TMEM178B: variants seen among roughly 807,000 people sequenced by gnomAD.
The protein encoded by TMEM178B is transmembrane protein 178B.
In TMEM178B, 5 loss-of-function variants were observed where a neutral mutation model predicts 31.0. That is an observed-to-expected ratio of 0.16 (90% CI 0.08 to 0.34). The LOEUF is 0.34. Ranked by LOEUF, TMEM178B falls within the 10% of genes least tolerant of loss-of-function variation. The pLI is 1.00. For missense variants in TMEM178B, 275 were observed against 400.3 expected, an observed-to-expected ratio of 0.69 and a Z score of 2.67; for synonymous variants, 164 against 164.0, an observed-to-expected ratio of 1.00 and a Z score of 0.00.
intron 1 of TMEM178B, among the ~76,000 whole-genome samples, chr7:141,207,758 T>A (rs553623119): frequency 6.6e-6 from 1 of 152,160 alleles, no homozygotes; most frequent in South Asian, 2.1e-4. Flanking sequence ...TGACTGAGGG[T>A]TTAAAGTGTC....
chr7:141,185,515 C>T (rs1207840962), intron 1 of TMEM178B, among the ~76,000 whole-genome samples: 4 of 152,192 alleles, frequency 2.6e-5, no homozygotes, highest in Admixed American at 2.6e-4. Flanking sequence ...TGTTGGTGTG[C>T]TCCCAACATG....
At position 141,429,449 on chromosome 7, in the gene TMEM178B, G is replaced by A. The variant is rs990643986; in HGVS notation, c.497-8159G>A. Among the ~76,000 whole-genome samples, 30 of 152,232 alleles carry A rather than the reference G, an allele frequency of 2.0e-4. 1 individual carries two copies. The highest frequency in any genetic ancestry group is 3.4e-3 in the Middle Eastern group (1 of 294). On this transcript the variant is annotated intron_variant, in intron 2 of 3. Coordinates refer to ENST00000565468, the MANE Select transcript of TMEM178B (RefSeq NM_001195278.2). ...TGCTAAGTCAGGCACAGAAACACAAGTACTGCATGATCTCACTCATATGTG... is the reference window on the plus strand; with the variant it reads ...TGCTAAGTCAGGCACAGAAACACAAATACTGCATGATCTCACTCATATGTG...
At chr7:141,245,129 C>G (rs564660261) in intron 2 of TMEM178B, among the ~76,000 whole-genome samples, 2 of 124,540 alleles carry the variant, frequency 1.6e-5, no homozygotes, top group South Asian at 2.8e-4. Flanking sequence ...CACCACTGGA[C>G]TCCGAACTCC....
chr7:141,336,556 C>G (rs999398183), intron 2 of TMEM178B, among the ~76,000 whole-genome samples: 1 of 151,940 alleles, frequency 6.6e-6, no homozygotes, highest in Non-Finnish European at 1.5e-5. Context: ...ACTTGTAGAA[C>G]CAATGTTGTA....
At chr7:141,502,932 C>T in the TMEM178B span, among the ~76,000 whole-genome samples, 2 of 152,154 alleles carry the variant, frequency 1.3e-5, no homozygotes, top group Non-Finnish European at 2.9e-5. Context: ...AAATTCATTT[C>T]TTTTTCCTCC....
chr7:141,383,055 A>C (rs533892035), intron 2 of TMEM178B, among the ~76,000 whole-genome samples: 14 of 152,338 alleles, frequency 9.2e-5, no homozygotes, highest in Admixed American at 2.0e-4. Flanking sequence ...GCTTTGGGCC[A>C]GGGTAGGAGG....
intron 3 of TMEM178B, 32 bp downstream of exon 3, chr7:141,437,777 G>A (rs1242891217): frequency 2.6e-6 from 4 of 1,535,828 alleles, no homozygotes; most frequent in Admixed American, 3.9e-5. Flanking sequence ...GTGGGTGGCA[G>A]TGGACAGGGT....
At chr7:141,378,556 T>A in intron 2 of TMEM178B, among the ~76,000 whole-genome samples, 1 of 152,170 alleles carries the variant, frequency 6.6e-6, no homozygotes, top group Admixed American at 6.5e-5. Flanking sequence ...GGTGGTGGCA[T>A]TGCCGGAGAT....
intron 2 of TMEM178B, among the ~76,000 whole-genome samples, chr7:141,332,791 T>C (rs985301630): frequency 3.3e-5 from 5 of 152,248 alleles, no homozygotes; most frequent in African/African-American, 1.2e-4. Flanking sequence ...CAGGTTTCTT[T>C]AGTGTTTCCC....
intron 2 of TMEM178B, among the ~76,000 whole-genome samples, chr7:141,219,020 G>A (rs572562289): frequency 3.3e-5 from 5 of 152,310 alleles, no homozygotes; most frequent in East Asian, 3.9e-4. Flanking sequence ...GATGAATGCT[G>A]TGGACCAAAG....
chr7:141,081,407 G>A (rs1794682565), intron 1 of TMEM178B, among the ~76,000 whole-genome samples: 1 of 152,128 alleles, frequency 6.6e-6, no homozygotes, highest in African/African-American at 2.4e-5. Flanking sequence ...GGTTGAGGTG[G>A]GTGGATCACC....
At chr7:141,256,739 C>A (rs1478401230) in intron 2 of TMEM178B, among the ~76,000 whole-genome samples, 1 of 152,004 alleles carries the variant, frequency 6.6e-6, no homozygotes, top group Non-Finnish European at 1.5e-5. Context: ...TTGTACTTAG[C>A]CTGGTGAGAG....
chr7:141,497,214 G>T, the TMEM178B span, among the ~76,000 whole-genome samples: 1 of 152,144 alleles, frequency 6.6e-6, no homozygotes, highest in Non-Finnish European at 1.5e-5. Flanking sequence ...CTCAGGCAGG[G>T]GATCTTTACC....
intron 2 of TMEM178B, among the ~76,000 whole-genome samples, chr7:141,240,998 T>C (rs77203761): frequency 0.015 from 69 of 4,514 alleles, no homozygotes; most frequent in African/African-American, 0.056. Flanking sequence ...TGGGATCCCT[T>C]TTTTTTTTTT....
chr7:141,295,158 T>A (rs1049081837), intron 2 of TMEM178B, among the ~76,000 whole-genome samples: 2 of 152,188 alleles, frequency 1.3e-5, no homozygotes, highest in African/African-American at 2.4e-5. Flanking sequence ...CCTGCACGCT[T>A]GCTCTGCTAT....
At chr7:141,499,475 A>AG in the TMEM178B span, among the ~76,000 whole-genome samples, 12 of 151,528 alleles carry the variant, frequency 7.9e-5, no homozygotes, top group Admixed American at 4.6e-4. Context: ...AAAAAAAAAA[A>AG]AAAAAAAAAA....
At chr7:141,221,036 A>C (rs182329450) in intron 2 of TMEM178B, among the ~76,000 whole-genome samples, 1 of 152,230 alleles carries the variant, frequency 6.6e-6, no homozygotes, top group Admixed American at 6.5e-5. Context: ...TGCTGCTGAC[A>C]TGTACACTTC....
chr7:141,149,845 G>C (rs1795936033), intron 1 of TMEM178B, among the ~76,000 whole-genome samples: 1 of 152,214 alleles, frequency 6.6e-6, no homozygotes, highest in Admixed American at 6.5e-5. Context: ...TGTCCTTCTG[G>C]CTCTAGAACT....
chr7:141,409,694 G>A (rs1353767450), intron 2 of TMEM178B, among the ~76,000 whole-genome samples: 2 of 151,494 alleles, frequency 1.3e-5, no homozygotes, highest in Non-Finnish European at 2.9e-5. Flanking sequence ...CCTCCAGTAC[G>A]CAAACACAAG....
Sources: gnomAD v4.1 joint callset for allele counts (sites outside exome capture counted in the v4.1 genomes callset) on GRCh38, gnomAD v4.1.1 for gene constraint, MANE v1.5 for transcripts, NCBI Gene and HGNC (gene_info 2026-07-23, HGNC 2026-07-21) for gene names.